KCNK10: variants seen among roughly 807,000 people sequenced by gnomAD.
The protein encoded by KCNK10 is potassium two pore domain channel subfamily K member 10.
In KCNK10, 25 loss-of-function variants were observed where a neutral mutation model predicts 47.7. The ratio of observed to expected loss-of-function variants is 0.52; its 90% confidence interval spans 0.38 to 0.73. The LOEUF (loss-of-function observed/expected upper bound fraction) is 0.73, where lower values mean the gene tolerates loss of function less well. Ranked by LOEUF, KCNK10 falls within the 30% of genes least tolerant of loss-of-function variation. The probability of loss-of-function intolerance (pLI) is 0.00; values close to 1 mark genes in which losing one functional copy is unlikely to be tolerated. For missense variants in KCNK10, 563 were observed against 714.5 expected, an observed-to-expected ratio of 0.79 and a Z score of 2.42; for synonymous variants, 303 against 285.6, an observed-to-expected ratio of 1.06 and a Z score of -0.61.
At chr14:88,269,665 G>T (rs1887355336) in intron 1 of KCNK10, among the ~76,000 whole-genome samples, 1 of 152,126 alleles carries the variant, frequency 6.6e-6, no homozygotes, top group African/African-American at 2.4e-5. Context: ...TCAAACTCCT[G>T]TCCTCAAGCG....
At chr14:88,246,285 A>AAAG (rs1886639331) in intron 2 of KCNK10, among the ~76,000 whole-genome samples, 4 of 151,630 alleles carry the variant, frequency 2.6e-5, no homozygotes, top group Non-Finnish European at 4.4e-5. Flanking sequence ...AAAAAAAAAA[A>AAAG]AAGGGAGCCT....
rs546858558 is a variant in KCNK10, at chr14:88,203,680, G to A, written c.682-11270C>T. Among the ~76,000 whole-genome samples, 82 of 152,314 alleles carry A rather than the reference G, an allele frequency of 5.4e-4. 1 individual carries two copies. The South Asian group carries it at 0.01, about 19-fold the overall frequency. The stretch of plus-strand genomic sequence containing the variant: ...AGTGTTACCGGGGAGAGTGGTGTCC[G>A]TCTCCCTCAGCTCTAGGACAGCAGG... On this transcript the variant is annotated intron_variant, in intron 4 of 6. Transcript: ENST00000319231.
rs1884375455 is a variant in KCNK10 at position 88,182,018 on chromosome 14, CCAA to C, written c.*3514_*3516del. 6.8e-6 allele frequency: 1 copy of C among 146,008 alleles called. No homozygotes were observed. The highest frequency in any genetic ancestry group is 1.5e-5 in the Non-Finnish European group (1 of 68,882). The allele number at this position is 146,008 out of a possible 1,614,324, so 9.0% of individuals were successfully genotyped here. ...ACCTTAGTAACAGGCCAGAGATGGC[CCAA>C]CACCACCCCAACCCGCACACACACA... is the stretch of plus-strand genomic sequence containing the variant. On this transcript the variant is annotated 3_prime_UTR_variant, in exon 7 of 7. Coordinates refer to ENST00000319231, the MANE Select transcript of KCNK10 (RefSeq NM_138317.3).
At chr14:88,189,234 C>A (rs1884670336) in intron 5 of KCNK10, among the ~76,000 whole-genome samples, 1 of 152,196 alleles carries the variant, frequency 6.6e-6, no homozygotes, top group Non-Finnish European at 1.5e-5. Context: ...CACAGCGCAG[C>A]AGACCATGAG....
chr14:88,261,160 G>A (rs564222362), intron 2 of KCNK10, among the ~76,000 whole-genome samples: 8 of 152,268 alleles, frequency 5.3e-5, no homozygotes, highest in African/African-American at 1.9e-4. Context: ...GGTCACATGT[G>A]GAGGAAAAGG....
chr14:88,312,762 C>G (rs1212925607), intron 1 of KCNK10, among the ~76,000 whole-genome samples: 1 of 151,966 alleles, frequency 6.6e-6, no homozygotes, highest in Admixed American at 6.6e-5. Context: ...ATAGATGGTG[C>G]CCACACAAGA....
chr14:88,192,382 C>T lies in KCNK10; in HGVS notation c.710G>A (p.Arg237Gln), dbSNP rs1884778515. Reference protein sequence around the residue: ...RKKQVSQTKIRVISTILFILA... With the variant: ...RKKQVSQTKIQVISTILFILA... ...GATGAACAGGATGGTTGAGATGACC[C>T]GGATCTTGGTCTGACTCACTTGCTT... The change falls in exon 5 of 7, where the codon CGG becomes CAG. Residue 237 changes from arginine (R) to glutamine (Q), a missense_variant. Arg to Gln is a conservative substitution (Grantham distance 43, BLOSUM62 1). Coordinates refer to ENST00000319231, the MANE Select transcript of KCNK10 (RefSeq NM_138317.3). The T allele has an allele frequency of 6.2e-7, 1 of 1,613,726 alleles. No individual in the cohort carries two copies.
chr14:88,325,711 T>G (rs535228419), upstream of KCNK10, among the ~76,000 whole-genome samples: 3 of 152,300 alleles, frequency 2.0e-5, no homozygotes, highest in African/African-American at 7.2e-5. Context: ...CAAAATGAAC[T>G]GACCTATGGT....
chr14:88,304,595 C>T (rs943194187), intron 1 of KCNK10, among the ~76,000 whole-genome samples: 4 of 152,200 alleles, frequency 2.6e-5, no homozygotes, highest in Non-Finnish European at 4.4e-5. Flanking sequence ...TGTTCGAGCG[C>T]TCATGCTGTA....
chr14:88,326,190 C>CG (rs79450402), upstream of KCNK10, among the ~76,000 whole-genome samples: 1,168 of 134,282 alleles, frequency 8.7e-3, 42 homozygotes, highest in African/African-American at 0.032. Context: ...CGCCCCCCCC[C>CG]AAAAAAAAAT....
chr14:88,215,348 G>A (rs111953953), intron 4 of KCNK10, among the ~76,000 whole-genome samples: 43 of 152,154 alleles, frequency 2.8e-4, no homozygotes, highest in Admixed American at 2.4e-3. Context: ...GCAGGAGAGA[G>A]AACGAGTGTC....
At chr14:88,195,023 A>AT (rs924371627) in intron 4 of KCNK10, among the ~76,000 whole-genome samples, 36 of 89,852 alleles carry the variant, frequency 4.0e-4, no homozygotes, top group East Asian at 2.3e-3. Flanking sequence ...CCCTCTAGGT[A>AT]TTTAAAAAAA....
chr14:88,322,670 G>C lies in KCNK10; in HGVS notation c.52+77C>G. ...AGGACACACGCTGCCAGAAGCAAGA[G>C]TGCTTCCACTCAAGGAAGCGCGCAC... is the stretch of plus-strand genomic sequence containing the variant. On this transcript the variant is annotated intron_variant, in intron 1 of 6. Transcript: ENST00000319231. This position sits in a 1 kb window ranked among gnomAD's most constrained non-coding sequence, Gnocchi z 4.8. The C allele has an allele frequency of 6.3e-7, 1 of 1,576,948 alleles. No homozygotes were observed. Among genetic ancestry groups the C allele is most frequent in the Non-Finnish European group, 8.7e-7 (1 of 1,146,738 alleles).
At chr14:88,207,764 G>A (rs1317730816) in intron 4 of KCNK10, among the ~76,000 whole-genome samples, 1 of 152,134 alleles carries the variant, frequency 6.6e-6, no homozygotes, top group Non-Finnish European at 1.5e-5. Flanking sequence ...GATGGGACCC[G>A]ACCTCACACA....
At chr14:88,231,398 A>T (rs1886157035) in intron 3 of KCNK10, among the ~76,000 whole-genome samples, 1 of 152,234 alleles carries the variant, frequency 6.6e-6, no homozygotes, top group South Asian at 2.1e-4. Flanking sequence ...CTAGTGACGC[A>T]GTGACTGGCT....
intron 3 of KCNK10, among the ~76,000 whole-genome samples, chr14:88,229,943 G>A (rs1208949948): frequency 4.0e-5 from 6 of 151,888 alleles, no homozygotes; most frequent in Admixed American, 3.9e-4. Context: ...GTTGTCTGTA[G>A]GCTCTAGAAC....
rs112604207 is a variant in KCNK10 at position 88,295,552 on chromosome 14, C to T, written c.52+27195G>A. Among the ~76,000 whole-genome samples the T allele has an allele frequency of 7.5e-3, 1,142 of 152,004 alleles. 22 individuals are homozygous for T. The highest frequency in any genetic ancestry group is 0.026 in the African/African-American group (1,099 of 41,472). On this transcript the variant is annotated intron_variant, in intron 1 of 6. Coordinates refer to ENST00000319231, the MANE Select transcript of KCNK10 (RefSeq NM_138317.3). ...GCGGGCACCTGTAGTCCCAGCTACT[C>T]GGGAGGCTGAGGCAGGAGAATTGCT...
chr14:88,217,291 G>A (rs1040103140), intron 4 of KCNK10, among the ~76,000 whole-genome samples: 12 of 152,308 alleles, frequency 7.9e-5, no homozygotes, highest in African/African-American at 2.2e-4. Flanking sequence ...ATGGGCACTG[G>A]TAAACTGAAG....
intron 2 of KCNK10, among the ~76,000 whole-genome samples, chr14:88,254,721 G>A (rs1411077501): frequency 1.3e-5 from 2 of 152,138 alleles, no homozygotes; most frequent in East Asian, 1.9e-4. Context: ...ATGTGAGGAC[G>A]TCAAAGATAA....
Sources: gnomAD v4.1 joint callset for allele counts (sites outside exome capture counted in the v4.1 genomes callset) on GRCh38, gnomAD v4.1.1 for gene constraint, Gnocchi (gnomAD v3.1) non-coding constraint, MANE v1.5 for transcripts, NCBI Gene and HGNC (gene_info 2026-07-23, HGNC 2026-07-21) for gene names.